ERGIC2: variants seen among roughly 807,000 people sequenced by gnomAD.
ERGIC2 encodes the protein endoplasmic reticulum-Golgi intermediate compartment protein 2.
ERGIC2 carries 31 observed loss-of-function variants against 52.5 expected under a neutral mutation model. The observed-to-expected ratio is 0.59, with a 90% CI of 0.44 to 0.80. ERGIC2 has a LOEUF of 0.80. ERGIC2 is among the 30% of genes least tolerant of loss of function. The pLI, the probability that ERGIC2 is intolerant of heterozygous loss-of-function variation, is 0.00. For missense variants in ERGIC2, 395 were observed against 455.2 expected (o/e 0.87, Z 1.20); for synonymous variants, 129 against 140.6 (o/e 0.92, Z 0.58).
At chr12:29,358,876 A>G (rs1486319722) in intron 6 of ERGIC2, among the ~76,000 whole-genome samples, 1 of 152,144 alleles carries the variant, frequency 6.6e-6, no homozygotes, top group Non-Finnish European at 1.5e-5. Context: ...CCTATGTAAA[A>G]TAACAACTCA....
At chr12:29,352,313 A>G (rs1051399227) in intron 8 of ERGIC2, among the ~76,000 whole-genome samples, 2 of 152,182 alleles carry the variant, frequency 1.3e-5, no homozygotes, top group African/African-American at 4.8e-5. Context: ...TAAATTTCAT[A>G]TATTTCTCAT....
intron 2 of ERGIC2, among the ~76,000 whole-genome samples, chr12:29,370,633 A>G (rs1279321711): frequency 6.6e-6 from 1 of 151,990 alleles, no homozygotes; most frequent in Non-Finnish European, 1.5e-5. Context: ...ATCCATGTCT[A>G]TAAATATAAT....
chr12:29,368,423 T>G, intron 3 of ERGIC2, 136 bp from the exon 4 acceptor site: 1 of 563,848 alleles, frequency 1.8e-6, no homozygotes, highest in Non-Finnish European at 3.2e-6. Flanking sequence ...ATTGCATTTC[T>G]CATGGCCAAA....
At chr12:29,373,057 T>C (rs562168664) in intron 1 of ERGIC2, 2 of 151,816 alleles carry the variant, frequency 1.3e-5, no homozygotes, top group South Asian at 4.2e-4. Flanking sequence ...ACATGGATCC[T>C]AACTTTATGG....
Position 29,368,226 on chromosome 12 carries a change from T to G in ERGIC2, c.262+15A>C, listed in dbSNP as rs774250001. 2.0e-6 allele frequency: 3 copies of G among 1,536,202 alleles called. No homozygotes were observed. The highest frequency in any genetic ancestry group is 2.7e-6 in the Non-Finnish European group (3 of 1,111,320). Reference sequence around the variant, plus strand: ...TAACCTACATGTGGATTCAGCAAGTTGAAGGTGTACTTACATTGACACTTC... The same window carrying G: ...TAACCTACATGTGGATTCAGCAAGTGGAAGGTGTACTTACATTGACACTTC... On this transcript the variant is annotated intron_variant, in intron 4 of 13. Transcript: ENST00000360150.
intron 8 of ERGIC2, among the ~76,000 whole-genome samples, chr12:29,351,517 T>C (rs1030098410): frequency 6.6e-5 from 10 of 152,144 alleles, no homozygotes; most frequent in African/African-American, 2.4e-4. Context: ...CAATAAGCAG[T>C]TCTAGTAACA....
At chr12:29,346,258 G>A (rs1179547336) in intron 10 of ERGIC2, among the ~76,000 whole-genome samples, 3 of 150,042 alleles carry the variant, frequency 2.0e-5, no homozygotes, top group Admixed American at 6.7e-5. Context: ...GCGCAATCAC[G>A]GCTCACTGCA....
intron 12 of ERGIC2, 97 bp from the exon 13 acceptor site, chr12:29,341,913 C>G (rs1949843193): frequency 1.7e-6 from 1 of 591,780 alleles, no homozygotes; most frequent in South Asian, 2.3e-5. Context: ...GAAAACAAAG[C>G]AGTTTGCATT....
intron 8 of ERGIC2, among the ~76,000 whole-genome samples, chr12:29,356,083 G>A (rs943922627): frequency 1.3e-5 from 2 of 151,712 alleles, no homozygotes; most frequent in African/African-American, 2.4e-5. Flanking sequence ...GTGCAGTGGC[G>A]CGATCTCGGC....
At chr12:29,346,814 T>C (rs1940059501) in intron 10 of ERGIC2, among the ~76,000 whole-genome samples, 1 of 152,168 alleles carries the variant, frequency 6.6e-6, no homozygotes, top group Non-Finnish European at 1.5e-5. Flanking sequence ...ATTCACATAA[T>C]ATAAAACATG....
Position 29,350,019 on chromosome 12 carries a change from G to A in ERGIC2, c.622C>T (p.His208Tyr), listed in dbSNP as rs759526033. Residue 208 changes from histidine (H) to tyrosine (Y), a missense_variant, in exon 9 of 14, where the codon CAT becomes TAT. His to Tyr is a moderately conservative substitution (Grantham distance 83). Transcript: ENST00000360150. ...GHAHLAALVNHESYNFSHRID... is the reference protein window; with the variant it reads ...GHAHLAALVNYESYNFSHRID... ...AAAGTCAGAATCTGCTTACATTCAT[G>A]GTTGACAAGTGCTGCCAAATGTGCA... 3 of 1,600,400 alleles carry A rather than the reference G, an allele frequency of 1.9e-6. No homozygotes were observed. Among genetic ancestry groups the A allele is most frequent in the South Asian group, 2.2e-5 (2 of 90,096 alleles).
chr12:29,345,756 G>A (rs920346460), intron 10 of ERGIC2, among the ~76,000 whole-genome samples: 2 of 151,994 alleles, frequency 1.3e-5, no homozygotes, highest in East Asian at 3.9e-4. Flanking sequence ...GACCAGTCTG[G>A]TCAAGAGAGC....
In ERGIC2 at chr12:29,337,988, A is replaced by G. The variant is rs1949808774; in HGVS notation, c.*3168T>C. 1 of 152,234 alleles carries G rather than the reference A, an allele frequency of 6.6e-6. No individual in the cohort carries two copies. Among genetic ancestry groups the G allele is most frequent in the Non-Finnish European group, 1.5e-5 (1 of 68,176 alleles). The allele number at this position is 152,234 out of a possible 1,614,324, so 9.4% of individuals were successfully genotyped here. A position where few individuals can be genotyped will look rare whatever the true frequency, so the allele number is the denominator to read the frequency against. ...GGAGATTGAGACCATCCTGGCTAAC[A>G]CAGTGAAACCCCGTCTCTACTAAAA... On this transcript the variant is annotated 3_prime_UTR_variant, in exon 14 of 14. Coordinates refer to ENST00000360150, the MANE Select transcript of ERGIC2 (RefSeq NM_016570.3).
At chr12:29,346,404 G>A (rs1940052545) in intron 10 of ERGIC2, among the ~76,000 whole-genome samples, 1 of 151,850 alleles carries the variant, frequency 6.6e-6, no homozygotes, top group African/African-American at 2.4e-5. Flanking sequence ...CGCCCAGGCT[G>A]GTCTCAAACT....
rs978695219 is a variant in ERGIC2, at chr12:29,356,267, C to A, written c.572+115G>T. The A allele has an allele frequency of 1.1e-4, 66 of 615,836 alleles. 1 individual carries two copies. In the African/African-American group the frequency reaches 1.2e-3, roughly 11 times the overall value. The allele number at this position is 615,836 out of a possible 1,614,324, so 38.1% of individuals were successfully genotyped here. ...TGAACTCCTGACCTCAGGTGATCCA[C>A]CCGCCTCAGCCTCCCAAAGTGCTGG... On this transcript the variant is annotated intron_variant, in intron 8 of 13. Transcript: ENST00000360150.
Position 29,350,071 on chromosome 12 carries a change from GA to G in ERGIC2, c.573-4del. On this transcript the variant is annotated splice_polypyrimidine_tract_variant and splice_region_variant and intron_variant, in intron 8 of 13. Transcript: ENST00000360150. The stretch of plus-strand genomic sequence containing the variant: ...GACCACGAGGATGTGGAATTGCCCT[GA>G]AAGGAGAAAAAACAATTATTAAAGT... The G allele has an allele frequency of 6.3e-7, 1 of 1,589,920 alleles. No homozygotes were observed. The highest frequency in any genetic ancestry group is 8.6e-7 in the Non-Finnish European group (1 of 1,160,174).
At chr12:29,347,774 G>A (rs993944796) in intron 10 of ERGIC2, among the ~76,000 whole-genome samples, 4 of 151,954 alleles carry the variant, frequency 2.6e-5, no homozygotes, top group South Asian at 2.1e-4. Context: ...CATATATTAC[G>A]AAGGAGAAAA....
chr12:29,354,953 A>G (rs1940182165), intron 8 of ERGIC2, among the ~76,000 whole-genome samples: 1 of 152,190 alleles, frequency 6.6e-6, no homozygotes, highest in Non-Finnish European at 1.5e-5. Context: ...ACAAAACAAC[A>G]AAACATAAAT....
intron 5 of ERGIC2, among the ~76,000 whole-genome samples, chr12:29,365,723 T>C (rs1940352040): frequency 6.6e-6 from 1 of 150,434 alleles, no homozygotes; most frequent in Admixed American, 6.6e-5. Flanking sequence ...TAAGATAGTA[T>C]AAAATGTAAT....
Sources: allele counts gnomAD v4.1 joint callset (sites outside exome capture counted in the v4.1 genomes callset), GRCh38; gene constraint gnomAD v4.1.1; transcripts MANE v1.5; gene names NCBI Gene and HGNC (gene_info 2026-07-23, HGNC 2026-07-21).